OSBPL10: variants seen among roughly 807,000 people sequenced by gnomAD.
The protein encoded by OSBPL10 is oxysterol binding protein like 10.
Under a neutral mutation model 81.7 loss-of-function variants are expected in OSBPL10, and 49 were observed. The observed-to-expected ratio is 0.60, with a 90% confidence interval of 0.48 to 0.76. The LOEUF (loss-of-function observed/expected upper bound fraction) is 0.76. OSBPL10 is among the 30% of genes least tolerant of loss of function. The probability of loss-of-function intolerance (pLI) is 0.00; values close to 1 mark genes in which losing one functional copy is unlikely to be tolerated. For missense variants in OSBPL10, 923 were observed against 987.8 expected, an observed-to-expected ratio of 0.93 and a Z score of 0.88; for synonymous variants, 419 against 383.6, an observed-to-expected ratio of 1.09 and a Z score of -1.08.
intron 7 of OSBPL10, among the ~76,000 whole-genome samples, chr3:31,684,727 C>T (rs1468525584): frequency 6.6e-6 from 1 of 152,228 alleles, no homozygotes; most frequent in Non-Finnish European, 1.5e-5. Context: ...GGCCCATCAG[C>T]AGGCAAATAT....
intron 2 of OSBPL10, among the ~76,000 whole-genome samples, chr3:32,005,769 A>G (rs1009642157): frequency 2.0e-5 from 3 of 151,632 alleles, no homozygotes; most frequent in Admixed American, 2.0e-4. Flanking sequence ...TTGTATTTTT[A>G]GTAGAGATGG....
intron 1 of OSBPL10, among the ~76,000 whole-genome samples, chr3:32,076,567 T>A (rs538012322): frequency 6.6e-6 from 1 of 152,224 alleles, no homozygotes; most frequent in African/African-American, 2.4e-5. Flanking sequence ...CAAACTTTTT[T>A]AACTGTCCAA....
intron 1 of OSBPL10, among the ~76,000 whole-genome samples, chr3:31,959,222 A>C (rs1028721911): frequency 1.3e-5 from 2 of 152,164 alleles, no homozygotes; most frequent in Non-Finnish European, 2.9e-5. Flanking sequence ...AATGCAGTCT[A>C]ATCAAATTTA....
intron 3 of OSBPL10, among the ~76,000 whole-genome samples, chr3:31,839,021 T>C (rs1700431593): frequency 6.6e-6 from 1 of 152,312 alleles, no homozygotes; most frequent in Middle Eastern, 3.4e-3. Context: ...CCAGAGATGG[T>C]ATCTAACCAG....
chr3:31,979,716 A>AC (rs1285163821), intron 1 of OSBPL10, among the ~76,000 whole-genome samples: 1 of 151,706 alleles, frequency 6.6e-6, no homozygotes, highest in Non-Finnish European at 1.5e-5. Flanking sequence ...AAATTGAAAA[A>AC]AAAAACAAAA....
chr3:31,758,323 A>G (rs963191579), intron 4 of OSBPL10, among the ~76,000 whole-genome samples: 3 of 152,198 alleles, frequency 2.0e-5, no homozygotes, highest in Non-Finnish European at 4.4e-5. Flanking sequence ...ACTGAGAAAT[A>G]AAAATAAAAT....
chr3:31,999,359 C>CTTTTTTT (rs5847729), intron 2 of OSBPL10, among the ~76,000 whole-genome samples: 1 of 125,862 alleles, frequency 7.9e-6, no homozygotes, highest in African/African-American at 3.1e-5. Context: ...ATATCAAAAT[C>CTTTTTTT]TTTTTTTTTT....
intron 2 of OSBPL10, among the ~76,000 whole-genome samples, chr3:32,005,611 T>C (rs770659357): frequency 3.3e-5 from 5 of 152,186 alleles, no homozygotes; most frequent in Admixed American, 6.5e-5. Context: ...TTCTCTGAGA[T>C]GGAGTTTCAC....
intron 7 of OSBPL10, among the ~76,000 whole-genome samples, chr3:31,701,492 C>T (rs1054207633): frequency 2.6e-5 from 4 of 152,144 alleles, no homozygotes; most frequent in Non-Finnish European, 2.9e-5. Context: ...GAGCTCAGCA[C>T]TGGGTTAGGT....
chr3:31,944,833 TAAAAAAAAAAAAAAAAAAAA>T lies in OSBPL10; in HGVS notation c.281+36046_281+36065del, dbSNP rs869140991. Reference sequence around the variant, plus strand: ...GCAACAGAGCAAGACCCCCTCTCTTTAAAAAAAAAAAAAAAAAAAAAAAAAAAAAAAAAAAAAGGCCAGGC... The same window carrying T: ...GCAACAGAGCAAGACCCCCTCTCTTTAAAAAAAAAAAAAAAAAGGCCAGGC... On this transcript the variant is annotated intron_variant, in intron 1 of 11. Coordinates refer to ENST00000396556, the MANE Select transcript of OSBPL10 (RefSeq NM_017784.5). Among the ~76,000 whole-genome samples the T allele has an allele frequency of 2.9e-4, 16 of 55,100 alleles. 1 individual carries two copies. The highest frequency in any genetic ancestry group is 5.2e-4 in the Non-Finnish European group (13 of 24,796). 36.1% of individuals were successfully genotyped at this position (55,100 alleles called of 152,430 possible). A position where few individuals can be genotyped will look rare whatever the true frequency, so the allele number is the denominator to read the frequency against.
chr3:32,060,984 A>G (rs1400143115), intron 1 of OSBPL10, among the ~76,000 whole-genome samples: 1 of 43,914 alleles, frequency 2.3e-5, no homozygotes, highest in African/African-American at 4.0e-5. Context: ...AAAAAAAAAA[A>G]AAAAACCCTC....
Position 31,732,317 on chromosome 3 carries a change from C to T in OSBPL10, c.1095+940G>A, listed in dbSNP as rs573972754. 1.1e-4 allele frequency among the ~76,000 whole-genome samples: 16 copies of T among 152,184 alleles called. No homozygotes were observed. The South Asian group carries it at 2.3e-3, about 22-fold the overall frequency. On this transcript the variant is annotated intron_variant, in intron 6 of 11. Transcript: ENST00000396556. The stretch of plus-strand genomic sequence containing the variant: ...AGAGTTATGCTACTACATCACTGTC[C>T]GAGAATATAATCCTATGCTGCTTGG...
chr3:31,887,211 C>T (rs1018348553), intron 1 of OSBPL10, among the ~76,000 whole-genome samples: 2 of 152,172 alleles, frequency 1.3e-5, no homozygotes, highest in African/African-American at 4.8e-5. Context: ...ACATCTAAAG[C>T]TTCACCATCT....
chr3:31,721,498 T>C (rs938689478), intron 6 of OSBPL10: 6 of 152,166 alleles, frequency 3.9e-5, no homozygotes, highest in African/African-American at 1.4e-4. Context: ...ATTTCAGGAC[T>C]TCCTCAGAGA....
intron 2 of OSBPL10, among the ~76,000 whole-genome samples, chr3:32,003,212 A>T (rs1699168883): frequency 6.6e-6 from 1 of 152,220 alleles, no homozygotes; most frequent in African/African-American, 2.4e-5. Flanking sequence ...ATCAGAACTT[A>T]GACCAAACTC....
chr3:31,982,385 G>A (rs1361442309), upstream of OSBPL10, among the ~76,000 whole-genome samples: 1 of 152,094 alleles, frequency 6.6e-6, no homozygotes, highest in African/African-American at 2.4e-5. Context: ...AAAACAAAAG[G>A]TGATAGATGA....
intron 1 of OSBPL10, among the ~76,000 whole-genome samples, chr3:31,951,346 TAC>T (rs1697864193): frequency 6.6e-6 from 1 of 151,886 alleles, no homozygotes; most frequent in Non-Finnish European, 1.5e-5. Flanking sequence ...AACTAAATAA[TAC>T]AGAGAGATAA....
intron 1 of OSBPL10, among the ~76,000 whole-genome samples, chr3:31,881,259 G>A (rs1454061918): frequency 6.6e-6 from 1 of 152,004 alleles, no homozygotes; most frequent in Non-Finnish European, 1.5e-5. Flanking sequence ...ATAGTTCATT[G>A]CTACTCAGTT....
At chr3:31,989,737 A>G in intron 2 of OSBPL10, 2 of 1,614,170 alleles carry the variant, frequency 1.2e-6, no homozygotes, top group Non-Finnish European at 1.7e-6. Flanking sequence ...ACTCACACTA[A>G]AACAGGAAGT....
Sources: gnomAD v4.1 joint callset for allele counts (sites outside exome capture counted in the v4.1 genomes callset) on GRCh38, gnomAD v4.1.1 for gene constraint, MANE v1.5 for transcripts, NCBI Gene and HGNC (gene_info 2026-07-23, HGNC 2026-07-21) for gene names.